PRELID2: variants seen among roughly 807,000 people sequenced by gnomAD.
PRELID2 encodes PRELI domain-containing protein 2.
Under a neutral mutation model 28.4 loss-of-function variants are expected in PRELID2, and 25 were observed. The observed-to-expected ratio is 0.88, with a 90% CI of 0.64 to 1.23. PRELID2 has a LOEUF of 1.23. Ranked by LOEUF, PRELID2 falls within the 50% of genes most tolerant of loss-of-function variation. The probability of loss-of-function intolerance (pLI) is 0.00; values close to 1 mark genes in which losing one functional copy is unlikely to be tolerated. For missense variants in PRELID2, 201 were observed against 214.4 expected (o/e 0.94, Z 0.39); for synonymous variants, 76 against 71.6 (o/e 1.06, Z -0.31).
chr5:145,494,779 G>T (rs1752296431), intron 1 of PRELID2, among the ~76,000 whole-genome samples: 1 of 152,110 alleles, frequency 6.6e-6, no homozygotes, highest in South Asian at 2.1e-4. Flanking sequence ...GGGAAATAAT[G>T]AAATCTAAAG....
intron 1 of PRELID2, among the ~76,000 whole-genome samples, chr5:145,515,803 G>A (rs950915776): frequency 9.9e-5 from 15 of 152,190 alleles, no homozygotes; most frequent in African/African-American, 1.9e-4. Context: ...CGATCAAGTC[G>A]CCTTCATCCC....
At chr5:145,528,547 C>T (rs1460390872) in intron 1 of PRELID2, among the ~76,000 whole-genome samples, 3 of 151,486 alleles carry the variant, frequency 2.0e-5, no homozygotes, top group Non-Finnish European at 4.4e-5. Flanking sequence ...ATTTCCATAC[C>T]TCTCATCTCA....
At chr5:145,535,120 T>C (rs1293728604) in intron 1 of PRELID2, among the ~76,000 whole-genome samples, 3 of 151,900 alleles carry the variant, frequency 2.0e-5, no homozygotes, top group Non-Finnish European at 4.4e-5. Context: ...ATGTGCCTTT[T>C]CCCCCTATGT....
intron 1 of PRELID2, among the ~76,000 whole-genome samples, chr5:145,473,837 C>A (rs1580950317): frequency 6.6e-6 from 1 of 152,066 alleles, no homozygotes; most frequent in African/African-American, 2.4e-5. Flanking sequence ...AACAATCACC[C>A]CTTGGGATGG....
the PRELID2 span, among the ~76,000 whole-genome samples, chr5:145,443,513 GA>G: frequency 2.0e-5 from 3 of 152,074 alleles, no homozygotes; most frequent in African/African-American, 7.2e-5. Flanking sequence ...AAAGACAACT[GA>G]GCTGTATTGA....
At chr5:145,670,349 G>A (rs958043353) in intron 1 of PRELID2, among the ~76,000 whole-genome samples, 2 of 151,988 alleles carry the variant, frequency 1.3e-5, no homozygotes, top group Non-Finnish European at 2.9e-5. Context: ...TATGAGAATG[G>A]CACCAAATCA....
At chr5:145,407,504 C>T in the PRELID2 span, among the ~76,000 whole-genome samples, 100 of 152,252 alleles carry the variant, frequency 6.6e-4, no homozygotes, top group African/African-American at 2.3e-3. Flanking sequence ...CTGCCCTTAA[C>T]TGGTGGTTTT....
At chr5:145,418,933 T>C in the PRELID2 span, among the ~76,000 whole-genome samples, 2 of 146,746 alleles carry the variant, frequency 1.4e-5, no homozygotes, top group South Asian at 2.3e-4. Context: ...CCTGTGTCCA[T>C]GTAATCTCAT....
intron 1 of PRELID2, among the ~76,000 whole-genome samples, chr5:145,718,920 G>A (rs1755912855): frequency 6.6e-6 from 1 of 151,994 alleles, no homozygotes; most frequent in Non-Finnish European, 1.5e-5. Flanking sequence ...TGAGGAAAAT[G>A]TCTTGGACTT....
chr5:145,578,688 A>G (rs1256916199), intron 1 of PRELID2, among the ~76,000 whole-genome samples: 1 of 152,112 alleles, frequency 6.6e-6, no homozygotes, highest in Admixed American at 6.6e-5. Context: ...CTTCATACTA[A>G]TAGATCACAG....
intron 4 of PRELID2, among the ~76,000 whole-genome samples, chr5:145,816,059 T>C (rs75691067): frequency 0.015 from 2,161 of 148,906 alleles, 41 homozygotes; most frequent in African/African-American, 0.046. Flanking sequence ...CCACAACCAA[T>C]CCTTGTTATT....
chr5:145,415,749 A>T, the PRELID2 span, among the ~76,000 whole-genome samples: 1,381 of 152,066 alleles, frequency 9.1e-3, 11 homozygotes, highest in South Asian at 0.031. Context: ...ATATGTGTGC[A>T]TGTGTCTTTA....
intron 1 of PRELID2, among the ~76,000 whole-genome samples, chr5:145,605,748 A>G (rs1753495148): frequency 6.6e-6 from 1 of 151,968 alleles, no homozygotes; most frequent in African/African-American, 2.4e-5. Flanking sequence ...AAATTTTTAT[A>G]CATATAATTT....
chr5:145,775,113 G>GCC (rs769833426), intron 5 of PRELID2, among the ~76,000 whole-genome samples: 7 of 151,940 alleles, frequency 4.6e-5, no homozygotes, highest in Admixed American at 2.6e-4. Flanking sequence ...GGTGATGTAC[G>GCC]CCTGTGGCCC....
At chr5:145,368,455 AC>A in the PRELID2 span, among the ~76,000 whole-genome samples, 2 of 151,868 alleles carry the variant, frequency 1.3e-5, no homozygotes, top group Non-Finnish European at 2.9e-5. Flanking sequence ...TTAAGCCCAT[AC>A]CCCACGTCAC....
intron 1 of PRELID2, among the ~76,000 whole-genome samples, chr5:145,668,672 A>G (rs149562279): frequency 6.6e-6 from 1 of 152,264 alleles, no homozygotes; most frequent in African/African-American, 2.4e-5. Context: ...CCCTATTTCA[A>G]TGGAACAAGT....
At chr5:145,778,684 T>C (rs1758574158) in intron 5 of PRELID2, among the ~76,000 whole-genome samples, 1 of 152,202 alleles carries the variant, frequency 6.6e-6, no homozygotes, top group Non-Finnish European at 1.5e-5. Flanking sequence ...TCCAACTGCT[T>C]AGTGGCTGTA....
intron 1 of PRELID2, among the ~76,000 whole-genome samples, chr5:145,707,394 C>T (rs998422660): frequency 6.6e-6 from 1 of 152,106 alleles, no homozygotes; most frequent in African/African-American, 2.4e-5. Context: ...CCAGTAATGT[C>T]GGAAAGAAGG....
intron 1 of PRELID2, among the ~76,000 whole-genome samples, chr5:145,559,036 C>T (rs1046259609): frequency 1.6e-4 from 25 of 152,064 alleles, no homozygotes; most frequent in Non-Finnish European, 2.5e-4. Context: ...AGGCGGATCA[C>T]GAGGTCAGGA....
Sources: allele counts gnomAD v4.1 joint callset (sites outside exome capture counted in the v4.1 genomes callset), GRCh38; gene constraint gnomAD v4.1.1; transcripts MANE v1.5; gene names NCBI Gene and HGNC (gene_info 2026-07-23, HGNC 2026-07-21).